The following CDH18 variants were observed in gnomAD, a reference collection of about 807,000 sequenced individuals.
The protein encoded by CDH18 is cadherin-18.
CDH18 carries 31 observed loss-of-function variants against 67.9 expected under a neutral mutation model. The observed-to-expected ratio is 0.46, with a 90% confidence interval of 0.34 to 0.62. CDH18 has a LOEUF of 0.62. CDH18 is among the 20% of genes least tolerant of loss of function. The pLI, the probability that CDH18 is intolerant of heterozygous loss-of-function variation, is 0.01. For synonymous variants in CDH18, 362 were observed against 347.2 expected (o/e 1.04, Z -0.48); for missense variants, 890 against 975.5 (o/e 0.91, Z 1.17).
intron 2 of CDH18, among the ~76,000 whole-genome samples, chr5:20,221,944 A>T (rs2126453909): frequency 6.6e-6 from 1 of 152,164 alleles, no homozygotes; most frequent in Admixed American, 6.6e-5. Flanking sequence ...ATCTTGTTGT[A>T]CTTATATGCT....
intron 2 of CDH18, among the ~76,000 whole-genome samples, chr5:20,220,634 CAAGTTAGG>C (rs1741149959): frequency 6.6e-6 from 1 of 151,822 alleles, no homozygotes; most frequent in Non-Finnish European, 1.5e-5. Flanking sequence ...GGGAACACAT[CAAGTTAGG>C]AATCTTCTGC....
chr5:19,525,579 A>C (rs754832218), intron 9 of CDH18, among the ~76,000 whole-genome samples: 13 of 152,334 alleles, frequency 8.5e-5, no homozygotes, highest in Non-Finnish European at 1.8e-4. Context: ...GTGCAAATTC[A>C]ATAACTGCTG....
At chr5:20,302,560 A>G (rs1277672433) in intron 1 of CDH18, among the ~76,000 whole-genome samples, 1 of 152,172 alleles carries the variant, frequency 6.6e-6, no homozygotes, top group Non-Finnish European at 1.5e-5. Flanking sequence ...AAGTCGAGCA[A>G]GAACCTCATG....
At chr5:20,155,110 T>A (rs576802941) in intron 2 of CDH18, among the ~76,000 whole-genome samples, 1 of 152,282 alleles carries the variant, frequency 6.6e-6, no homozygotes, top group African/African-American at 2.4e-5. Context: ...ATAATTTGAA[T>A]GCTATTTAAG....
chr5:20,157,789 A>C (rs1326936592), intron 2 of CDH18, among the ~76,000 whole-genome samples: 2 of 151,732 alleles, frequency 1.3e-5, no homozygotes, highest in Non-Finnish European at 2.9e-5. Context: ...CTACAGGCCC[A>C]CACCACCACA....
chr5:19,911,084 T>C (rs901864707), intron 2 of CDH18, among the ~76,000 whole-genome samples: 1 of 152,110 alleles, frequency 6.6e-6, no homozygotes, highest in Non-Finnish European at 1.5e-5. Context: ...AGGGCTACCA[T>C]GGCTGCCACT....
intron 2 of CDH18, among the ~76,000 whole-genome samples, chr5:20,053,311 A>G (rs1368432037): frequency 1.3e-5 from 2 of 151,638 alleles, no homozygotes; most frequent in African/African-American, 4.8e-5. Context: ...TATATAGCAT[A>G]CATACACACA....
chr5:19,624,149 G>A (rs899521821), intron 5 of CDH18, among the ~76,000 whole-genome samples: 11 of 151,724 alleles, frequency 7.3e-5, no homozygotes, highest in South Asian at 2.1e-4. Context: ...TTGGGATTGC[G>A]GGCGTGCACC....
At chr5:20,095,926 G>A (rs2150569326) in intron 2 of CDH18, among the ~76,000 whole-genome samples, 1 of 151,834 alleles carries the variant, frequency 6.6e-6, no homozygotes, top group African/African-American at 2.4e-5. Context: ...GCAGAAGAGA[G>A]GAAGGCTGAA....
At chr5:19,727,854 C>T (rs1311731424) in intron 4 of CDH18, among the ~76,000 whole-genome samples, 1 of 152,106 alleles carries the variant, frequency 6.6e-6, no homozygotes, top group Non-Finnish European at 1.5e-5. Flanking sequence ...GAACATCAGG[C>T]ACTTCTAATG....
At chr5:19,741,342 A>G (rs1473773799) in intron 4 of CDH18, among the ~76,000 whole-genome samples, 1 of 150,812 alleles carries the variant, frequency 6.6e-6, no homozygotes, top group Admixed American at 6.6e-5. Flanking sequence ...ACACACACAC[A>G]CACACACACA....
intron 1 of CDH18, among the ~76,000 whole-genome samples, chr5:20,475,796 A>C (rs1561042215): frequency 6.6e-6 from 1 of 152,188 alleles, no homozygotes; most frequent in Non-Finnish European, 1.5e-5. Flanking sequence ...GGGTTCAGTC[A>C]GGGGAAAATA....
chr5:20,422,299 G>T (rs945544026), intron 1 of CDH18, among the ~76,000 whole-genome samples: 4 of 150,638 alleles, frequency 2.7e-5, no homozygotes, highest in Non-Finnish European at 4.4e-5. Context: ...AATTTCTAAG[G>T]AATTAAAAAT....
At chr5:19,973,593 A>G (rs915065337) in intron 2 of CDH18, among the ~76,000 whole-genome samples, 4 of 152,144 alleles carry the variant, frequency 2.6e-5, no homozygotes, top group Non-Finnish European at 5.9e-5. Context: ...ACATGGAAAA[A>G]GTTGGCTAGT....
intron 2 of CDH18, among the ~76,000 whole-genome samples, chr5:20,145,404 A>G (rs1365127723): frequency 6.6e-6 from 1 of 152,176 alleles, no homozygotes; most frequent in African/African-American, 2.4e-5. Context: ...TCATTTTTCA[A>G]TAGTAAATAC....
chr5:20,277,028 G>A (rs1018227325), intron 1 of CDH18, among the ~76,000 whole-genome samples: 1 of 152,134 alleles, frequency 6.6e-6, no homozygotes, highest in Non-Finnish European at 1.5e-5. Flanking sequence ...CATTCCTAAG[G>A]TTTCCAACGT....
intron 2 of CDH18, among the ~76,000 whole-genome samples, chr5:20,216,767 A>G (rs1740812516): frequency 2.0e-5 from 3 of 151,984 alleles, no homozygotes; most frequent in Admixed American, 2.0e-4. Context: ...ACGACAAAAC[A>G]AAAGAAAACT....
intron 5 of CDH18, among the ~76,000 whole-genome samples, chr5:19,682,478 T>C (rs1211786115): frequency 1.3e-5 from 2 of 152,030 alleles, no homozygotes; most frequent in African/African-American, 4.8e-5. Flanking sequence ...TTCAGCTGAA[T>C]GGTACCCCAT....
Position 20,305,802 on chromosome 5 carries a change from A to C in CDH18, c.-579-50297T>G, listed in dbSNP as rs1736394763. The C allele has an allele frequency of 3.2e-5, 8 of 247,372 alleles. No homozygotes were observed. In the South Asian group the frequency reaches 4.3e-4, roughly 13 times the overall value. 15.3% of individuals were successfully genotyped at this position (247,372 alleles called of 1,614,324 possible). A position where few individuals can be genotyped will look rare whatever the true frequency, so the allele number is the denominator to read the frequency against. On this transcript the variant is annotated intron_variant, in intron 1 of 14. Transcript: ENST00000507958. ...GAATCTACCCCCAAAACCAATTCGA[A>C]AAAAAGGGAGGAAAGAAACGCCCCG...
Sources: gnomAD v4.1 joint callset for allele counts (sites outside exome capture counted in the v4.1 genomes callset) on GRCh38, gnomAD v4.1.1 for gene constraint, MANE v1.5 for transcripts, NCBI Gene and HGNC (gene_info 2026-07-23, HGNC 2026-07-21) for gene names.